The following ARRDC3 variants were observed in gnomAD, a reference collection of about 807,000 sequenced individuals.
The protein encoded by ARRDC3 is arrestin domain-containing protein 3.
Under a neutral mutation model 47.2 loss-of-function variants are expected in ARRDC3, and 10 were observed. The ratio of observed to expected loss-of-function variants is 0.21; its 90% confidence interval spans 0.13 to 0.36. The LOEUF (loss-of-function observed/expected upper bound fraction) is 0.36. ARRDC3 is among the 10% of genes least tolerant of loss of function. The pLI is 1.00. For synonymous variants in ARRDC3, 156 were observed against 178.3 expected (o/e 0.87, Z 1.00); for missense variants, 381 against 503.6 (o/e 0.76, Z 2.33).
In ARRDC3 at chr5:91,376,517, A is replaced by C. The variant is rs561999447; in HGVS notation, c.510+104T>G. ...GTATATTTATGAAATTTTAAAAGAA[A>C]ACCAGTATTTTTAAATTATGACAAC... On this transcript the variant is annotated intron_variant, in intron 3 of 7. Transcript: ENST00000265138. 1,052 of 1,029,252 alleles carry C rather than the reference A, an allele frequency of 1.0e-3. 1 individual carries two copies. Among genetic ancestry groups the C allele is most frequent in the Middle Eastern group, 2.3e-3 (7 of 3,068 alleles). 63.8% of individuals were successfully genotyped at this position (1,029,252 alleles called of 1,614,324 possible). A position where few individuals can be genotyped will look rare whatever the true frequency, so the allele number is the denominator to read the frequency against.
chr5:91,371,114 T>C lies in ARRDC3; in HGVS notation c.*286A>G. The C allele has an allele frequency of 2.9e-6, 1 of 348,152 alleles. No individual in the cohort carries two copies. The highest frequency in any genetic ancestry group is 2.1e-5 in the African/African-American group (1 of 47,576). 21.6% of individuals were successfully genotyped at this position (348,152 alleles called of 1,614,324 possible). Reference sequence around the variant, plus strand: ...TCAAAAGAAGGAAATCATCCCTCTTTACAACGTGATGTCTTGACACGTACG... The same window carrying C: ...TCAAAAGAAGGAAATCATCCCTCTTCACAACGTGATGTCTTGACACGTACG... On this transcript the variant is annotated 3_prime_UTR_variant, in exon 8 of 8. Transcript: ENST00000265138.
At position 91,370,290 on chromosome 5, in the gene ARRDC3, A is replaced by C. The variant is rs1799139491; in HGVS notation, c.*1110T>G. Reference sequence around the variant, plus strand: ...AATGGAAAACTTCCATACTTTCAAAATAATAATAAAAAAAATAATTTTTAA... The same window carrying C: ...AATGGAAAACTTCCATACTTTCAAACTAATAATAAAAAAAATAATTTTTAA... On this transcript the variant is annotated 3_prime_UTR_variant, in exon 8 of 8. Coordinates refer to ENST00000265138, the MANE Select transcript of ARRDC3 (RefSeq NM_020801.4). 1.3e-5 allele frequency: 2 copies of C among 152,606 alleles called. No homozygotes were observed. Among genetic ancestry groups the C allele is most frequent in the South Asian group, 4.1e-4 (2 of 4,830 alleles). 9.5% of individuals were successfully genotyped at this position (152,606 alleles called of 1,614,324 possible). A position where few individuals can be genotyped will look rare whatever the true frequency, so the allele number is the denominator to read the frequency against.
At position 91,369,197 on chromosome 5, in the gene ARRDC3, TATA is replaced by T. The variant is rs1799110636; in HGVS notation, c.*2200_*2202del. ...GCTTCATGTGTTATTTGTAAGAGTA[TATA>T]ATGACAAGTATTCCAATGCTATGCA... On this transcript the variant is annotated 3_prime_UTR_variant, in exon 8 of 8. Coordinates refer to ENST00000265138, the MANE Select transcript of ARRDC3 (RefSeq NM_020801.4). The T allele has an allele frequency of 6.6e-6, 1 of 152,568 alleles. No individual in the cohort carries two copies. Among genetic ancestry groups the T allele is most frequent in the African/African-American group, 2.4e-5 (1 of 41,452 alleles). 9.5% of individuals were successfully genotyped at this position (152,568 alleles called of 1,614,324 possible). A position where few individuals can be genotyped will look rare whatever the true frequency, so the allele number is the denominator to read the frequency against.
intron 4 of ARRDC3, 137 bp from the exon 5 acceptor site, chr5:91,375,315 A>C: frequency 9.5e-7 from 1 of 1,052,754 alleles, no homozygotes; most frequent in East Asian, 2.6e-5. Context: ...AACTTGAGTC[A>C]TAGAAATGAA....
intron 1 of ARRDC3, 91 bp from the exon 2 acceptor site, chr5:91,378,866 C>A: frequency 2.9e-6 from 2 of 682,194 alleles, no homozygotes; most frequent in Non-Finnish European, 4.8e-6. Flanking sequence ...GCTTACATAA[C>A]AATTAAGACC....
intron 3 of ARRDC3, 85 bp from the exon 4 acceptor site, chr5:91,375,698 T>C (rs919814948): frequency 5.6e-6 from 5 of 887,572 alleles, no homozygotes; most frequent in Non-Finnish European, 8.0e-6. Flanking sequence ...AACCCTAAAT[T>C]TATGGAAAAT....
chr5:91,375,302 A>T, intron 4 of ARRDC3, 124 bp from the exon 5 acceptor site: 3 of 1,120,800 alleles, frequency 2.7e-6, no homozygotes, highest in Non-Finnish European at 3.7e-6. Flanking sequence ...AGGAACTGCA[A>T]ATAACTTGAG....
intron 4 of ARRDC3, 74 bp from the exon 5 acceptor site, chr5:91,375,252 A>G: frequency 6.8e-7 from 1 of 1,466,456 alleles, no homozygotes; most frequent in Non-Finnish European, 9.2e-7. Flanking sequence ...CTTAAAGCTA[A>G]AGTAAGAAAG....
Position 91,378,011 on chromosome 5 carries a change from A to G in ARRDC3, c.362+683T>C, listed in dbSNP as rs1799345796. Among the ~76,000 whole-genome samples, 3 of 151,678 alleles carry G rather than the reference A, an allele frequency of 2.0e-5. No individual in the cohort carries two copies. In the South Asian group the frequency reaches 6.2e-4, roughly 31 times the overall value. The stretch of plus-strand genomic sequence containing the variant: ...CAGGTTTTAATATTTGTTAAAAGGC[A>G]TTTTTTTTTAAAAAGTTTGTATCAT... On this transcript the variant is annotated intron_variant, in intron 2 of 7. Transcript: ENST00000265138.
At chr5:91,374,457 G>A (rs939438512) in intron 5 of ARRDC3, among the ~76,000 whole-genome samples, 181 bp from the exon 6 acceptor site, 3 of 151,964 alleles carry the variant, frequency 2.0e-5, no homozygotes, top group Admixed American at 6.6e-5. Flanking sequence ...AGGTATAATT[G>A]TAAGTCAAAC....
At chr5:91,377,872 A>G (rs1799341971) in intron 2 of ARRDC3, among the ~76,000 whole-genome samples, 1 of 152,104 alleles carries the variant, frequency 6.6e-6, no homozygotes. Context: ...CTCTCTATAT[A>G]TAACATCTCA....
In ARRDC3 at chr5:91,371,008, G is replaced by GAAAAAAAAAAAAAAAAAA. The variant is rs767515801; in HGVS notation, c.*374_*391dup. On this transcript the variant is annotated 3_prime_UTR_variant, in exon 8 of 8. Transcript: ENST00000265138. Reference sequence around the variant, plus strand: ...GAGTATCAAGAGTCTGGCAAAAATAGAAAAAAAAAAAAAAAAAAAAAGAAG... The same window carrying GAAAAAAAAAAAAAAAAAA: ...GAGTATCAAGAGTCTGGCAAAAATAGAAAAAAAAAAAAAAAAAAAAAAAAAAAAAAAAAAAAAAAGAAG... The GAAAAAAAAAAAAAAAAAA allele has an allele frequency of 3.9e-5, 3 of 77,680 alleles. No homozygotes were observed. Among genetic ancestry groups the GAAAAAAAAAAAAAAAAAA allele is most frequent in the African/African-American group, 1.3e-4 (3 of 23,888 alleles). The allele number at this position is 77,680 out of a possible 1,614,324, so 4.8% of individuals were successfully genotyped here. A position where few individuals can be genotyped will look rare whatever the true frequency, so the allele number is the denominator to read the frequency against.
chr5:91,374,029 C>A (rs185849830), intron 6 of ARRDC3, 85 bp downstream of exon 6: 8 of 1,492,720 alleles, frequency 5.4e-6, no homozygotes, highest in Middle Eastern at 1.8e-4. Context: ...TTATGTTCAT[C>A]TAGGGTCATA....
intron 2 of ARRDC3, among the ~76,000 whole-genome samples, chr5:91,377,786 G>C (rs1348722205): frequency 6.6e-6 from 1 of 151,720 alleles, no homozygotes; most frequent in East Asian, 1.9e-4. Flanking sequence ...AATTAGATGA[G>C]GGCATTATAT....
chr5:91,379,292 TAAAA>T (rs377674022), intron 1 of ARRDC3, among the ~76,000 whole-genome samples: 1 of 107,772 alleles, frequency 9.3e-6, no homozygotes, highest in Non-Finnish European at 1.9e-5. Flanking sequence ...ATAGACGGAG[TAAAA>T]AAAAAAAAAA....
At chr5:91,379,027 A>G (rs1405489196) in intron 1 of ARRDC3, among the ~76,000 whole-genome samples, 1 of 152,122 alleles carries the variant, frequency 6.6e-6, no homozygotes, top group Non-Finnish European at 1.5e-5. Context: ...ATTTTTTCTA[A>G]TGGAAAATGA....
intron 2 of ARRDC3, among the ~76,000 whole-genome samples, chr5:91,377,186 C>T (rs1799323583): frequency 6.6e-6 from 1 of 152,210 alleles, no homozygotes; most frequent in Non-Finnish European, 1.5e-5. Context: ...TACTCCACTT[C>T]TCATTAGCCG....
intron 7 of ARRDC3, among the ~76,000 whole-genome samples, chr5:91,372,071 A>T (rs902248226): frequency 1.3e-5 from 2 of 152,212 alleles, no homozygotes; most frequent in Non-Finnish European, 2.9e-5. Flanking sequence ...AACACTCAAG[A>T]GGTTTCCTCC....
chr5:91,371,847 C>T (rs1799184891), intron 7 of ARRDC3, among the ~76,000 whole-genome samples: 1 of 152,148 alleles, frequency 6.6e-6, no homozygotes, highest in African/African-American at 2.4e-5. Flanking sequence ...TTGTAAAGCA[C>T]CCCTTTCATC....
Sources: allele counts gnomAD v4.1 joint callset (sites outside exome capture counted in the v4.1 genomes callset), GRCh38; gene constraint gnomAD v4.1.1; transcripts MANE v1.5; gene names NCBI Gene and HGNC (gene_info 2026-07-23, HGNC 2026-07-21).